LRGUK: variants seen among roughly 807,000 people sequenced by gnomAD.
LRGUK encodes leucine-rich repeat and guanylate kinase domain-containing protein.
In LRGUK, 65 loss-of-function variants were observed where a neutral mutation model predicts 76.0. That is an observed-to-expected ratio of 0.85 (90% CI 0.70 to 1.05). The LOEUF (loss-of-function observed/expected upper bound fraction) is 1.05. LRGUK is among the 50% of genes least tolerant of loss of function. LRGUK has a pLI of 0.00. For missense variants in LRGUK, 758 were observed against 732.8 expected, an observed-to-expected ratio of 1.03 and a Z score of -0.40; for synonymous variants, 268 against 265.6, an observed-to-expected ratio of 1.01 and a Z score of -0.09.
At chr7:134,258,565 G>T (rs1780911355) in intron 19 of LRGUK, among the ~76,000 whole-genome samples, 160 bp downstream of exon 19, 1 of 151,848 alleles carries the variant, frequency 6.6e-6, no homozygotes, top group Admixed American at 6.6e-5. Flanking sequence ...CAGGTGTGGT[G>T]GTGGGCACCT....
At chr7:134,145,765 T>C (rs1167038637) in intron 4 of LRGUK, among the ~76,000 whole-genome samples, 2 of 152,226 alleles carry the variant, frequency 1.3e-5, no homozygotes, top group Non-Finnish European at 2.9e-5. Flanking sequence ...GAAGCTCCAC[T>C]TCCTTTTCAT....
At chr7:134,215,509 G>T (rs993972304) in intron 15 of LRGUK, among the ~76,000 whole-genome samples, 3 of 152,084 alleles carry the variant, frequency 2.0e-5, no homozygotes, top group Admixed American at 6.5e-5. Context: ...CTGGGACAAG[G>T]ATCTGGTGTA....
intron 1 of LRGUK, among the ~76,000 whole-genome samples, chr7:134,134,024 T>C (rs77206411): frequency 0.087 from 13,195 of 151,162 alleles, 922 homozygotes; most frequent in East Asian, 0.33. Flanking sequence ...ATCACAACAC[T>C]ACATTTCAGC....
At chr7:134,132,576 A>G (rs1380353124) in intron 1 of LRGUK, among the ~76,000 whole-genome samples, 1 of 152,194 alleles carries the variant, frequency 6.6e-6, no homozygotes, top group African/African-American at 2.4e-5. Flanking sequence ...AAACAACTCT[A>G]GAGTAGATTG....
At chr7:134,139,570 T>C (rs1797681538) in intron 3 of LRGUK, 53 bp downstream of exon 3, 1 of 1,146,148 alleles carries the variant, frequency 8.7e-7, no homozygotes, top group South Asian at 1.3e-5. Context: ...AACTTAAACG[T>C]TGCAGTATGT....
exon 10 of LRGUK, chr7:134,178,595 G>C (rs748170148): frequency 3.1e-6 from 5 of 1,612,090 alleles, no homozygotes; most frequent in Non-Finnish European, 4.2e-6. Flanking sequence ...TGCAGCCGCA[G>C]AGGATCTTTG....
chr7:134,157,642 C>T (rs965041418), intron 5 of LRGUK, among the ~76,000 whole-genome samples: 2 of 152,192 alleles, frequency 1.3e-5, no homozygotes, highest in African/African-American at 4.8e-5. Flanking sequence ...CCTGCCTCAG[C>T]CTCCCGAGTA....
chr7:134,258,032 A>G (rs1417046753), intron 18 of LRGUK, among the ~76,000 whole-genome samples: 1 of 152,146 alleles, frequency 6.6e-6, no homozygotes, highest in Admixed American at 6.5e-5. Context: ...AATGGATGAG[A>G]CATTTATGCT....
downstream of LRGUK, among the ~76,000 whole-genome samples, chr7:134,268,715 A>ATTTTTTTT (rs1802904887): frequency 1.8e-5 from 2 of 111,868 alleles, no homozygotes; most frequent in African/African-American, 6.6e-5. Context: ...TATGCAAAAA[A>ATTTTTTTT]TCTTTTTTTT....
chr7:134,231,025 A>C (rs1161676841), intron 16 of LRGUK, among the ~76,000 whole-genome samples: 2 of 152,098 alleles, frequency 1.3e-5, no homozygotes, highest in African/African-American at 4.8e-5. Context: ...AGTTAGCAAA[A>C]CCCACTCTGG....
chr7:134,177,291 C>T (rs988159456), intron 9 of LRGUK, among the ~76,000 whole-genome samples: 1 of 152,190 alleles, frequency 6.6e-6, no homozygotes, highest in Non-Finnish European at 1.5e-5. Flanking sequence ...GCTGTTAGTA[C>T]AGTGAAGAGG....
chr7:134,161,783 C>G (rs1404394325), intron 6 of LRGUK, among the ~76,000 whole-genome samples: 1 of 151,062 alleles, frequency 6.6e-6, no homozygotes, highest in South Asian at 2.1e-4. Context: ...CTCCGCCTCC[C>G]GGATTCACGC....
chr7:134,165,200 T>C (rs1798919624), intron 7 of LRGUK, among the ~76,000 whole-genome samples: 1 of 152,200 alleles, frequency 6.6e-6, no homozygotes, highest in Non-Finnish European at 1.5e-5. Context: ...GTTGAGTACT[T>C]ATGTACCAGG....
downstream of LRGUK, among the ~76,000 whole-genome samples, chr7:134,215,196 G>A (rs1001496884): frequency 2.0e-4 from 30 of 151,078 alleles, 1 homozygote; most frequent in Non-Finnish European, 2.9e-5. Flanking sequence ...TCATGACCCA[G>A]TAAACACATA....
At chr7:134,136,966 A>G in intron 1 of LRGUK, 57 bp from the exon 2 acceptor site, 1 of 1,340,978 alleles carries the variant, frequency 7.5e-7, no homozygotes, top group Non-Finnish European at 1.1e-6. Context: ...GACAAGATAG[A>G]TTGTTTCTTT....
intron 11 of LRGUK, among the ~76,000 whole-genome samples, chr7:134,186,853 G>T (rs538410852): frequency 1.3e-5 from 2 of 152,174 alleles, no homozygotes; most frequent in Non-Finnish European, 2.9e-5. Flanking sequence ...TCATGCTCCT[G>T]TACTGTTACC....
chr7:134,129,661 A>G (rs1272693146), intron 1 of LRGUK, among the ~76,000 whole-genome samples: 1 of 151,006 alleles, frequency 6.6e-6, no homozygotes, highest in African/African-American at 2.4e-5. Context: ...TTTGTAAGAG[A>G]CGGGGGCCTT....
intron 18 of LRGUK, among the ~76,000 whole-genome samples, chr7:134,255,222 AACACACAC>A (rs66632170): frequency 0.029 from 4,196 of 143,122 alleles, 173 homozygotes; most frequent in African/African-American, 0.096. Context: ...ATGTTATCTC[AACACACAC>A]ACACACACAC....
chr7:134,163,908 T>C (rs979785555), intron 7 of LRGUK, among the ~76,000 whole-genome samples: 10 of 152,144 alleles, frequency 6.6e-5, no homozygotes, highest in Admixed American at 6.5e-4. Flanking sequence ...CATTGGCTGG[T>C]GTTGCTCCAT....
Sources: allele counts gnomAD v4.1 joint callset (sites outside exome capture counted in the v4.1 genomes callset), GRCh38; gene constraint gnomAD v4.1.1; transcripts MANE v1.5; gene names NCBI Gene and HGNC (gene_info 2026-07-23, HGNC 2026-07-21).